PNPLA7: variants seen among roughly 807,000 people sequenced by gnomAD.
PNPLA7 encodes the protein patatin-like phospholipase domain-containing protein 7.
Under a neutral mutation model 161.7 loss-of-function variants are expected in PNPLA7, and 153 were observed. That is an observed-to-expected ratio of 0.95 (90% CI 0.83 to 1.08). The LOEUF (loss-of-function observed/expected upper bound fraction) is 1.08, where lower values mean the gene tolerates loss of function less well. PNPLA7 is among the 50% of genes least tolerant of loss of function. The pLI is 0.00. For missense variants in PNPLA7, 1,739 were observed against 1,856.6 expected, an observed-to-expected ratio of 0.94 and a Z score of 1.16; for synonymous variants, 809 against 782.1, an observed-to-expected ratio of 1.03 and a Z score of -0.57.
chr9:137,501,875 G>T, intron 14 of PNPLA7, 148 bp from the exon 15 acceptor site: 1 of 772,052 alleles, frequency 1.3e-6, no homozygotes, highest in Admixed American at 2.6e-5. Flanking sequence ...CTCCAACAAG[G>T]GCCTGATGGA....
intron 18 of PNPLA7, among the ~76,000 whole-genome samples, chr9:137,495,705 A>G (rs571603466): frequency 4.1e-4 from 62 of 152,228 alleles, no homozygotes; most frequent in Non-Finnish European, 8.1e-4. Flanking sequence ...GGCCTCCCAA[A>G]GTGCTGGGAT....
rs1356725517 is a variant in PNPLA7, at chr9:137,542,797, G to A, written c.511C>T (p.Leu171=). 2 of 1,611,164 alleles carry A rather than the reference G, an allele frequency of 1.2e-6. No homozygotes were observed. Among genetic ancestry groups the A allele is most frequent in the African/African-American group, 2.7e-5 (2 of 74,880 alleles). Residue 171 remains leucine (L), a synonymous_variant, in exon 7 of 35, where the codon CTG becomes TTG. Coordinates refer to ENST00000406427, the MANE Select transcript of PNPLA7 (RefSeq NM_001098537.3). ...AACAGCGGCTTCTCAAAGTGGCCCAGGACCCTGCAAGAGCCAGAGGGCACT... is the reference window on the plus strand; with the variant it reads ...AACAGCGGCTTCTCAAAGTGGCCCAAGACCCTGCAAGAGCCAGAGGGCACT... ...VLYMLKNVRV[L]GHFEKPLFLE...
chr9:137,519,385 G>A (rs566610552), intron 11 of PNPLA7, among the ~76,000 whole-genome samples: 2 of 151,602 alleles, frequency 1.3e-5, no homozygotes, highest in Non-Finnish European at 2.9e-5. Context: ...CTCCCCACCA[G>A]GCACCTGGCC....
chr9:137,470,944 C>A (rs1831674968), intron 25 of PNPLA7, among the ~76,000 whole-genome samples: 1 of 152,214 alleles, frequency 6.6e-6, no homozygotes, highest in Non-Finnish European at 1.5e-5. Context: ...CCAAGGGCAG[C>A]CACAAAATGC....
At chr9:137,493,305 C>T (rs944978636) in intron 19 of PNPLA7, among the ~76,000 whole-genome samples, 10 of 152,238 alleles carry the variant, frequency 6.6e-5, no homozygotes, top group South Asian at 2.1e-4. Flanking sequence ...ATACGGCTGC[C>T]TTTCTGGTTG....
rs1249656157 is a variant in PNPLA7 at position 137,464,121 on chromosome 9, C to T, written c.3226+5G>A. The T allele has an allele frequency of 6.2e-7, 1 of 1,613,258 alleles. No individual in the cohort carries two copies. Among genetic ancestry groups the T allele is most frequent in the African/African-American group, 1.3e-5 (1 of 75,056 alleles). On this transcript the variant is annotated splice_donor_5th_base_variant and intron_variant, in intron 28 of 34. Transcript: ENST00000406427. ...GCGGCCGCCCTGCGCAGCAGGAGTG[C>T]TCACCGTCGGTGTGGACCCGCATGG...
At chr9:137,495,240 C>T in intron 18 of PNPLA7, 94 bp from the exon 19 acceptor site, 1 of 805,454 alleles carries the variant, frequency 1.2e-6, no homozygotes, top group Non-Finnish European at 2.0e-6. Context: ...GCCAGAGCCA[C>T]ACATGACACC....
In PNPLA7 at chr9:137,541,531, T is replaced by C. The variant is rs1836202112; in HGVS notation, c.667-809A>G. 2.0e-6 allele frequency: 2 copies of C among 981,532 alleles called. No individual in the cohort carries two copies. The highest frequency in any genetic ancestry group is 2.4e-6 in the Non-Finnish European group (2 of 826,466). The allele number at this position is 981,532 out of a possible 1,614,324, so 60.8% of individuals were successfully genotyped here. A position where few individuals can be genotyped will look rare whatever the true frequency, so the allele number is the denominator to read the frequency against. On this transcript the variant is annotated intron_variant, in intron 7 of 34. Coordinates refer to ENST00000406427, the MANE Select transcript of PNPLA7 (RefSeq NM_001098537.3). This position sits in a 1 kb window ranked among gnomAD's most constrained non-coding sequence, Gnocchi z 4.4. ...CCGGGACCACAGCTGGCAGGAGCCC[T>C]GCAGGTCAGGGTGATGATCACACAA...
At chr9:137,462,655 G>A in intron 30 of PNPLA7, 30 bp downstream of exon 30, 1 of 1,610,220 alleles carries the variant, frequency 6.2e-7, no homozygotes, top group Non-Finnish European at 8.5e-7. Context: ...GAGCAGCAGG[G>A]ACAGCCCAGC....
chr9:137,479,757 A>G lies in PNPLA7; in HGVS notation c.2581-519T>C, dbSNP rs544692231. The stretch of plus-strand genomic sequence containing the variant: ...TGAGCCCGAGGCCTCGCCTGCAGCA[A>G]TGGCCAGGTGGAAGGAAGCAATCAG... On this transcript the variant is annotated intron_variant, in intron 23 of 34. Transcript: ENST00000406427. The G allele has an allele frequency of 1.4e-4, 137 of 985,440 alleles. No individual in the cohort carries two copies. The African/African-American group carries it at 2.2e-3, about 16-fold the overall frequency. The allele number at this position is 985,440 out of a possible 1,614,324, so 61.0% of individuals were successfully genotyped here.
At position 137,543,223 on chromosome 9, in the gene PNPLA7, C is replaced by T. The variant is rs951492136; in HGVS notation, c.506+209G>A. 5.3e-5 allele frequency among the ~76,000 whole-genome samples: 8 copies of T among 152,170 alleles called. No homozygotes were observed. The highest frequency in any genetic ancestry group is 3.9e-4 in the Admixed American group (6 of 15,282). On this transcript the variant is annotated intron_variant, in intron 6 of 34. Coordinates refer to ENST00000406427, the MANE Select transcript of PNPLA7 (RefSeq NM_001098537.3). The surrounding 1 kb of genome is among the most constrained non-coding windows in gnomAD (Gnocchi z 6.9). ...GGGTTCACCGCTGAAGATGAAACAC[C>T]GGGAAATCGTTCAACAGAACAAGAA...
intron 12 of PNPLA7, among the ~76,000 whole-genome samples, chr9:137,513,476 CA>C (rs11422303): frequency 8.0e-4 from 98 of 122,360 alleles, no homozygotes; most frequent in Admixed American, 8.3e-4. Flanking sequence ...AACTCTGTCA[CA>C]AAAAAAAAAA....
At position 137,493,071 on chromosome 9, in the gene PNPLA7, C is replaced by A. The variant is rs1250059228; in HGVS notation, c.2139G>T (p.Arg713=). The change falls in exon 20 of 35, where the codon CGG becomes CGT. Residue 713 remains arginine, a synonymous_variant. Transcript: ENST00000406427. ...IKRRYPQVVT[R]LIHLLGEKIL... is the part of the protein sequence containing the mutation. ...TCTTCTCACCCAAGAGATGAATCAG[C>A]CGAGTCACCACCTGCGGGCAGACAC... 1.9e-6 allele frequency: 3 copies of A among 1,613,936 alleles called. No individual in the cohort carries two copies. In the Admixed American group the frequency reaches 5.0e-5, roughly 27 times the overall value.
chr9:137,501,616 T>A (rs1291692648), intron 15 of PNPLA7, 34 bp downstream of exon 15: 1 of 1,590,528 alleles, frequency 6.3e-7, no homozygotes, highest in East Asian at 2.2e-5. Flanking sequence ...TGGCATTGGG[T>A]GGTCCCAGTG....
chr9:137,497,673 G>A (rs1347542756), intron 17 of PNPLA7, among the ~76,000 whole-genome samples: 4 of 152,130 alleles, frequency 2.6e-5, no homozygotes, highest in Non-Finnish European at 4.4e-5. Context: ...GATTATAGGC[G>A]CACACCACCA....
chr9:137,497,710 C>T (rs1006660194), intron 17 of PNPLA7, among the ~76,000 whole-genome samples: 1 of 152,032 alleles, frequency 6.6e-6, no homozygotes, highest in South Asian at 2.1e-4. Flanking sequence ...GTATTTTTAA[C>T]AGAGACAGGG....
chr9:137,486,331 C>T lies in PNPLA7; in HGVS notation c.2198-1595G>A, dbSNP rs1033105525. Among the ~76,000 whole-genome samples the T allele has an allele frequency of 3.3e-5, 5 of 152,110 alleles. No individual in the cohort carries two copies. Among genetic ancestry groups the T allele is most frequent in the African/African-American group, 1.2e-4 (5 of 41,410 alleles). On this transcript the variant is annotated intron_variant, in intron 20 of 34. Coordinates refer to ENST00000406427, the MANE Select transcript of PNPLA7 (RefSeq NM_001098537.3). This position sits in a 1 kb window ranked among gnomAD's most constrained non-coding sequence, Gnocchi z 6.0. The stretch of plus-strand genomic sequence containing the variant: ...TGCACACGGCGCCGTGGCAGCACTG[C>T]GGGTAAGAGCCTGTGAACGGGGAAC...
intron 4 of PNPLA7, among the ~76,000 whole-genome samples, chr9:137,546,569 A>G (rs1248902255): frequency 9.9e-5 from 15 of 152,138 alleles, no homozygotes; most frequent in Admixed American, 9.8e-4. Flanking sequence ...CCTCCAGGCC[A>G]GGGGGAGTAG....
rs145541531 is a variant in PNPLA7, at chr9:137,479,276, G to A, written c.2581-38C>T. ...GCCCACGTGTCTGCCAGCCGGGTGAGCCTGGGACTCGGGACAGGACGGAGC... is the reference window on the plus strand; with the variant it reads ...GCCCACGTGTCTGCCAGCCGGGTGAACCTGGGACTCGGGACAGGACGGAGC... On this transcript the variant is annotated intron_variant, in intron 23 of 34. Transcript: ENST00000406427. The A allele has an allele frequency of 5.3e-5, 79 of 1,489,070 alleles. No individual in the cohort carries two copies. In the African/African-American group the frequency reaches 9.0e-4, roughly 17 times the overall value. 92.2% of individuals were successfully genotyped at this position (1,489,070 alleles called of 1,614,324 possible).
Sources: allele counts gnomAD v4.1 joint callset (sites outside exome capture counted in the v4.1 genomes callset), GRCh38; gene constraint gnomAD v4.1.1; non-coding constraint Gnocchi (gnomAD v3.1); transcripts MANE v1.5; gene names NCBI Gene and HGNC (gene_info 2026-07-23, HGNC 2026-07-21).